SGIP1: variants seen among roughly 807,000 people sequenced by gnomAD.
The protein encoded by SGIP1 is SH3GL interacting endocytic adaptor 1, also known as SH3-containing GRB2-like protein 3-interacting protein 1.
In SGIP1, 38 loss-of-function variants were observed where a neutral mutation model predicts 107.5. The ratio of observed to expected loss-of-function variants is 0.35; its 90% CI spans 0.27 to 0.46. The LOEUF (loss-of-function observed/expected upper bound fraction) is 0.46, where lower values mean the gene tolerates loss of function less well. Among genes scored for constraint, SGIP1 ranks in the 20% least tolerant of loss-of-function variants. The pLI, the probability that SGIP1 is intolerant of heterozygous loss-of-function variation, is 1.00. For synonymous variants in SGIP1, 365 were observed against 366.1 expected (o/e 1.00, Z 0.03); for missense variants, 929 against 1,019.5 (o/e 0.91, Z 1.21).
chr1:66,589,214 A>ATGTGTGTGTGTGTGTG (rs1456083520), intron 1 of SGIP1, among the ~76,000 whole-genome samples: 1 of 91,354 alleles, frequency 1.1e-5, no homozygotes, highest in Non-Finnish European at 2.2e-5. Context: ...ATATATATAT[A>ATGTGTGTGTGTGTGTG]TATGTAAGGC....
At chr1:66,591,942 C>G (rs1204068340) in intron 1 of SGIP1, among the ~76,000 whole-genome samples, 1 of 152,172 alleles carries the variant, frequency 6.6e-6, no homozygotes, top group East Asian at 1.9e-4. Flanking sequence ...CAGTAAAGAG[C>G]AGTATTGCCA....
chr1:66,730,028 C>A (rs2093937083), intron 20 of SGIP1, among the ~76,000 whole-genome samples: 1 of 152,156 alleles, frequency 6.6e-6, no homozygotes. Context: ...TCTCAAACTA[C>A]TGACCTCAAG....
At chr1:66,694,612 C>T (rs1227712566) in intron 17 of SGIP1, 3 of 807,920 alleles carry the variant, frequency 3.7e-6, no homozygotes, top group East Asian at 6.3e-5. Flanking sequence ...TCATGAGTGT[C>T]CAGTGCCTCT....
rs75730644 is a variant in SGIP1 at position 66,552,206 on chromosome 1, C to T, written c.10+17838C>T. On this transcript the variant is annotated intron_variant, in intron 1 of 24. Coordinates refer to ENST00000371037, the MANE Select transcript of SGIP1 (RefSeq NM_032291.4). ...TCTTGTCCCTTGTCATGAGCGGAGA[C>T]TTTATGCGGAGCTGCTTGATCACTT... is the stretch of plus-strand genomic sequence containing the variant. Among the ~76,000 whole-genome samples, 21 of 152,220 alleles carry T rather than the reference C, an allele frequency of 1.4e-4. No individual in the cohort carries two copies. The East Asian group carries it at 4.1e-3, about 29-fold the overall frequency.
chr1:66,578,506 C>T (rs1304202713), intron 1 of SGIP1, among the ~76,000 whole-genome samples: 1 of 152,116 alleles, frequency 6.6e-6, no homozygotes, highest in Non-Finnish European at 1.5e-5. Context: ...CCCATCCCTC[C>T]TACAAGGTAG....
chr1:66,653,759 T>A (rs747336875), intron 7 of SGIP1, among the ~76,000 whole-genome samples: 7 of 152,216 alleles, frequency 4.6e-5, no homozygotes, highest in Non-Finnish European at 8.8e-5. Context: ...TGTTTTTTAT[T>A]ATAATGTTAA....
chr1:66,729,137 T>A (rs1557777423), intron 19 of SGIP1, 127 bp from the exon 20 acceptor site: 1 of 1,090,872 alleles, frequency 9.2e-7, no homozygotes, highest in African/African-American at 1.6e-5. Flanking sequence ...AATGGAATTG[T>A]AAGAGCCTGC....
chr1:66,684,281 C>CGG, intron 15 of SGIP1: 2 of 1,523,410 alleles, frequency 1.3e-6, no homozygotes, highest in Admixed American at 2.0e-5. Flanking sequence ...TATTTGACTA[C>CGG]TGACACCCAT....
chr1:66,598,960 C>T (rs918381229), intron 1 of SGIP1, among the ~76,000 whole-genome samples: 1 of 151,972 alleles, frequency 6.6e-6, no homozygotes, highest in African/African-American at 2.4e-5. Context: ...CAAGCACAGT[C>T]CAAAATGTAG....
In SGIP1 at chr1:66,747,061, T is replaced by G. The variant is rs2094562371; in HGVS notation, c.*3966T>G. 6.6e-6 allele frequency: 1 copy of G among 152,118 alleles called. No homozygotes were observed. Among genetic ancestry groups the G allele is most frequent in the African/African-American group, 2.4e-5 (1 of 41,462 alleles). The allele number at this position is 152,118 out of a possible 1,614,324, so 9.4% of individuals were successfully genotyped here. ...CTACCACATATCAATGTCTTCCATC[T>G]CTGAAATTCCATGATTCTACTTTAC... On this transcript the variant is annotated 3_prime_UTR_variant, in exon 25 of 25. Transcript: ENST00000371037.
rs151206724 is a variant in SGIP1, at chr1:66,702,063, T to C, written c.1630+6570T>C. Among the ~76,000 whole-genome samples the C allele has an allele frequency of 7.9e-5, 12 of 152,328 alleles. No individual in the cohort carries two copies. The East Asian group carries it at 2.1e-3, about 27-fold the overall frequency. On this transcript the variant is annotated intron_variant, in intron 18 of 24. Transcript: ENST00000371037. ...CAGTAATGCTGATGCAGTGTATCGCTGATGAGCCCTTAATACGGGCTACAT... is the reference window on the plus strand; with the variant it reads ...CAGTAATGCTGATGCAGTGTATCGCCGATGAGCCCTTAATACGGGCTACAT...
At chr1:66,635,830 G>C in intron 3 of SGIP1, 114 bp from the exon 4 acceptor site, 1 of 1,094,752 alleles carries the variant, frequency 9.1e-7, no homozygotes, top group Non-Finnish European at 1.4e-6. Flanking sequence ...ATTTGGCCTA[G>C]AGATGGTTTC....
intron 15 of SGIP1, among the ~76,000 whole-genome samples, chr1:66,683,700 CTTTTTTTTTTTTTT>C (rs869266510): frequency 1.1e-4 from 7 of 61,396 alleles, no homozygotes; most frequent in African/African-American, 2.3e-4. Context: ...TGTTTCTTTT[CTTTTTTTTTTTTTT>C]TTTTTTTTTT....
In SGIP1 at chr1:66,747,007, T is replaced by C. The variant is rs2094561352; in HGVS notation, c.*3912T>C. On this transcript the variant is annotated 3_prime_UTR_variant, in exon 25 of 25. Coordinates refer to ENST00000371037, the MANE Select transcript of SGIP1 (RefSeq NM_032291.4). Reference sequence around the variant, plus strand: ...GAAGATAGTAGGCACTGATAAACATTGTTAAACACCGTAACAACACAAAAT... The same window carrying C: ...GAAGATAGTAGGCACTGATAAACATCGTTAAACACCGTAACAACACAAAAT... The C allele has an allele frequency of 6.6e-6, 1 of 152,114 alleles. No homozygotes were observed. The highest frequency in any genetic ancestry group is 1.5e-5 in the Non-Finnish European group (1 of 67,944). The allele number at this position is 152,114 out of a possible 1,614,324, so 9.4% of individuals were successfully genotyped here. A position where few individuals can be genotyped will look rare whatever the true frequency, so the allele number is the denominator to read the frequency against.
intron 1 of SGIP1, among the ~76,000 whole-genome samples, chr1:66,594,927 C>T (rs2064326043): frequency 6.6e-6 from 1 of 152,248 alleles, no homozygotes; most frequent in African/African-American, 2.4e-5. Flanking sequence ...ATATTTTTCG[C>T]TCCTTTGGTG....
At chr1:66,543,667 G>A (rs1250827948) in intron 1 of SGIP1, among the ~76,000 whole-genome samples, 1 of 152,112 alleles carries the variant, frequency 6.6e-6, no homozygotes, top group Non-Finnish European at 1.5e-5. Context: ...TCTCTCCCCT[G>A]ATTTTCTCAG....
At chr1:66,594,856 T>C (rs778179306) in intron 1 of SGIP1, among the ~76,000 whole-genome samples, 2 of 152,128 alleles carry the variant, frequency 1.3e-5, no homozygotes, top group Admixed American at 1.3e-4. Context: ...AGGTAATGTA[T>C]AGAAAATGCA....
chr1:66,574,742 T>C (rs2060826405), intron 1 of SGIP1, among the ~76,000 whole-genome samples: 1 of 152,166 alleles, frequency 6.6e-6, no homozygotes, highest in Admixed American at 6.6e-5. Flanking sequence ...TGTCTGTGGA[T>C]TGCTTGAATG....
intron 13 of SGIP1, among the ~76,000 whole-genome samples, chr1:66,677,601 T>C (rs533233610): frequency 6.6e-6 from 1 of 152,288 alleles, no homozygotes; most frequent in African/African-American, 2.4e-5. Flanking sequence ...TCAGAGTAAA[T>C]GTATGTGAAA....
Sources: gnomAD v4.1 joint callset for allele counts (sites outside exome capture counted in the v4.1 genomes callset) on GRCh38, gnomAD v4.1.1 for gene constraint, MANE v1.5 for transcripts, NCBI Gene and HGNC (gene_info 2026-07-23, HGNC 2026-07-21) for gene names.